LYPD6: variants seen among roughly 807,000 people sequenced by gnomAD.
LYPD6 encodes the protein LY6/PLAUR domain containing 6, also known as ly6/PLAUR domain-containing protein 6.
A neutral mutation model predicts 22.7 loss-of-function variants in LYPD6; 15 were observed. The ratio of observed to expected loss-of-function variants is 0.66; its 90% CI spans 0.44 to 1.02. The LOEUF is 1.02. LYPD6 is among the 50% of genes least tolerant of loss of function. LYPD6 has a pLI of 0.00. For synonymous variants in LYPD6, 72 were observed against 77.5 expected, an observed-to-expected ratio of 0.93 and a Z score of 0.37; for missense variants, 189 against 208.4, an observed-to-expected ratio of 0.91 and a Z score of 0.57.
chr2:149,417,103 T>A (rs1400610044), intron 1 of LYPD6, among the ~76,000 whole-genome samples: 1 of 152,144 alleles, frequency 6.6e-6, no homozygotes, highest in Non-Finnish European at 1.5e-5. Flanking sequence ...CAGCTCATGA[T>A]GGGTAGTTCC....
chr2:149,433,105 C>T (rs1420453742), intron 1 of LYPD6, among the ~76,000 whole-genome samples: 2 of 151,554 alleles, frequency 1.3e-5, no homozygotes, highest in Admixed American at 1.3e-4. Context: ...CTTTTTTTTC[C>T]AAAGAAGAAA....
chr2:149,440,763 C>T (rs1275772415), intron 2 of LYPD6, among the ~76,000 whole-genome samples: 2 of 133,936 alleles, frequency 1.5e-5, no homozygotes, highest in East Asian at 2.2e-4. Context: ...TGCAGTGGTG[C>T]GATCTTGGCT....
Position 149,387,448 on chromosome 2 carries a change from G to C in LYPD6, c.-71-50190G>C, listed in dbSNP as rs537879579. 5.9e-5 allele frequency among the ~76,000 whole-genome samples: 9 copies of C among 152,222 alleles called. No homozygotes were observed. In the East Asian group the frequency reaches 1.7e-3, roughly 29 times the overall value. ...CCCTTTTTTGAGGTAGCACTGACTG[G>C]TATGTTAATTTCACTGGTTCATTTT... is the stretch of plus-strand genomic sequence containing the variant. On this transcript the variant is annotated intron_variant, in intron 1 of 4. Transcript: ENST00000334166.
intron 1 of LYPD6, among the ~76,000 whole-genome samples, chr2:149,384,587 A>G (rs911871610): frequency 6.6e-6 from 1 of 152,184 alleles, no homozygotes; most frequent in African/African-American, 2.4e-5. Context: ...TCGTGTTGGC[A>G]CTATAGCTGT....
Position 149,472,178 on chromosome 2 carries a change from T to A in LYPD6, c.*1328T>A, listed in dbSNP as rs1299990059. On this transcript the variant is annotated 3_prime_UTR_variant, in exon 5 of 5. Transcript: ENST00000334166. ...AAATTCATTATTCTGAACAAAGTGA[T>A]CAAATTAGAATACATATTTTTCAAC... 1 of 152,166 alleles carries A rather than the reference T, an allele frequency of 6.6e-6. No individual in the cohort carries two copies. The highest frequency in any genetic ancestry group is 2.1e-4 in the South Asian group (1 of 4,824). The allele number at this position is 152,166 out of a possible 1,614,324, so 9.4% of individuals were successfully genotyped here. A position where few individuals can be genotyped will look rare whatever the true frequency, so the allele number is the denominator to read the frequency against.
intron 3 of LYPD6, among the ~76,000 whole-genome samples, chr2:149,463,102 G>T (rs1681123042): frequency 6.6e-6 from 1 of 152,032 alleles, no homozygotes; most frequent in African/African-American, 2.4e-5. Context: ...GAATGCAAAT[G>T]CAAGCTATGA....
chr2:149,477,169 ATTAC>A (rs1404422148), downstream of LYPD6, among the ~76,000 whole-genome samples: 16 of 152,290 alleles, frequency 1.1e-4, no homozygotes, highest in African/African-American at 2.6e-4. Context: ...AATATGTTTA[ATTAC>A]TTAATAACCT....
rs143384011 is a variant in LYPD6, at chr2:149,352,252, G to T, written c.-72+21530G>T. Among the ~76,000 whole-genome samples the T allele has an allele frequency of 1.3e-3, 192 of 152,284 alleles. 2 individuals carry two copies. In the East Asian group the frequency reaches 0.023, roughly 18 times the overall value. On this transcript the variant is annotated intron_variant, in intron 1 of 4. Transcript: ENST00000334166. ...ATAGTTGTCTTCAAATGCATAAAGG[G>T]CTGGCAGGTGGAAGAGGTGTTAGAC...
chr2:149,438,919 G>A (rs1277669057), intron 2 of LYPD6, among the ~76,000 whole-genome samples: 2 of 152,204 alleles, frequency 1.3e-5, no homozygotes, highest in African/African-American at 4.8e-5. Flanking sequence ...AATTAAAAAT[G>A]TGTATGAAGC....
At chr2:149,455,360 G>A (rs1208158133) in intron 3 of LYPD6, among the ~76,000 whole-genome samples, 2 of 149,934 alleles carry the variant, frequency 1.3e-5, no homozygotes, top group South Asian at 4.3e-4. Context: ...CTGGGTTCAC[G>A]CCATTCTTCT....
At chr2:149,442,218 A>T (rs1169834356) in intron 2 of LYPD6, among the ~76,000 whole-genome samples, 1 of 152,226 alleles carries the variant, frequency 6.6e-6, no homozygotes, top group Non-Finnish European at 1.5e-5. Context: ...GTTTGGATGC[A>T]TTACACATCA....
chr2:149,352,758 C>T, intron 1 of LYPD6, among the ~76,000 whole-genome samples: 1 of 152,080 alleles, frequency 6.6e-6, no homozygotes, highest in Non-Finnish European at 1.5e-5. Context: ...TGTTATCTGG[C>T]CCTTTATAGA....
At chr2:149,444,276 A>AT (rs1683632430) in intron 2 of LYPD6, among the ~76,000 whole-genome samples, 2 of 152,216 alleles carry the variant, frequency 1.3e-5, no homozygotes, top group Non-Finnish European at 2.9e-5. Context: ...ATTGCTAAAA[A>AT]TGCTAAGATC....
At chr2:149,376,588 T>C (rs1001252746) in intron 1 of LYPD6, among the ~76,000 whole-genome samples, 2 of 152,220 alleles carry the variant, frequency 1.3e-5, no homozygotes, top group Non-Finnish European at 1.5e-5. Flanking sequence ...ATGCAATTAA[T>C]AATATTGCAA....
intron 1 of LYPD6, among the ~76,000 whole-genome samples, chr2:149,405,863 G>A (rs1236256524): frequency 6.8e-6 from 1 of 147,226 alleles, no homozygotes. Context: ...TTTCTCTTGT[G>A]GGCATTTAGT....
At chr2:149,458,487 G>T (rs981550514) in intron 3 of LYPD6, among the ~76,000 whole-genome samples, 2 of 151,962 alleles carry the variant, frequency 1.3e-5, no homozygotes. Context: ...CAAACAGGGA[G>T]TATAAGATCA....
At chr2:149,371,911 C>G (rs542251347) in intron 1 of LYPD6, among the ~76,000 whole-genome samples, 107 of 152,160 alleles carry the variant, frequency 7.0e-4, no homozygotes, top group African/African-American at 2.5e-3. Flanking sequence ...ATTGGACCAT[C>G]GAGGGAGCAA....
At chr2:149,451,159 A>G (rs917645487) in intron 3 of LYPD6, among the ~76,000 whole-genome samples, 3 of 152,190 alleles carry the variant, frequency 2.0e-5, no homozygotes, top group African/African-American at 4.8e-5. Flanking sequence ...CTAGAAGGGC[A>G]TAGACTCTCT....
intron 1 of LYPD6, among the ~76,000 whole-genome samples, chr2:149,423,101 A>G (rs1281501169): frequency 6.6e-6 from 1 of 152,152 alleles, no homozygotes; most frequent in Non-Finnish European, 1.5e-5. Context: ...ACCAAGACAG[A>G]TAACCATCTG....
Sources: allele counts gnomAD v4.1 joint callset (sites outside exome capture counted in the v4.1 genomes callset), GRCh38; gene constraint gnomAD v4.1.1; transcripts MANE v1.5; gene names NCBI Gene and HGNC (gene_info 2026-07-23, HGNC 2026-07-21).